Variants in CRISPLD2 observed in about 807,000 individuals in gnomAD.
The protein encoded by CRISPLD2 is cysteine-rich secretory protein LCCL domain-containing 2.
A neutral mutation model predicts 71.1 loss-of-function variants in CRISPLD2; 47 were observed. The ratio of observed to expected loss-of-function variants is 0.66; its 90% CI spans 0.52 to 0.84. CRISPLD2 has a LOEUF of 0.84. Ranked by LOEUF, CRISPLD2 falls within the 40% of genes least tolerant of loss-of-function variation. The pLI, the probability that CRISPLD2 is intolerant of heterozygous loss-of-function variation, is 0.00. For missense variants in CRISPLD2, 830 were observed against 651.1 expected (o/e 1.27, Z -2.99); for synonymous variants, 317 against 250.1 (o/e 1.27, Z -2.52).
chr16:84,906,148 G>A (rs1042896920), intron 14 of CRISPLD2, among the ~76,000 whole-genome samples: 8 of 152,022 alleles, frequency 5.3e-5, no homozygotes, highest in African/African-American at 1.5e-4. Flanking sequence ...GTGAACGAGC[G>A]ATAACAGCTC....
intron 2 of CRISPLD2, among the ~76,000 whole-genome samples, chr16:84,843,596 T>C (rs1916833934): frequency 6.6e-6 from 1 of 152,246 alleles, no homozygotes; most frequent in South Asian, 2.1e-4. Context: ...CAAGAAACCC[T>C]TTCTCATAGG....
At chr16:84,902,062 G>T (rs1314572477) in intron 14 of CRISPLD2, among the ~76,000 whole-genome samples, 1 of 150,602 alleles carries the variant, frequency 6.6e-6, no homozygotes, top group East Asian at 2.0e-4. Flanking sequence ...ACCTCTCAAA[G>T]TGCTGGGATG....
intron 2 of CRISPLD2, chr16:84,838,958 C>T (rs1465740165): frequency 1.4e-6 from 1 of 701,162 alleles, no homozygotes; most frequent in Non-Finnish European, 2.5e-6. Context: ...GCACAATCGT[C>T]ATGCCCTGAA....
chr16:84,874,644 T>C (rs1484491071), intron 11 of CRISPLD2, among the ~76,000 whole-genome samples: 2 of 152,218 alleles, frequency 1.3e-5, no homozygotes, highest in African/African-American at 2.4e-5. Context: ...GCAACTCTTA[T>C]CATTTGCCCT....
intron 6 of CRISPLD2, among the ~76,000 whole-genome samples, chr16:84,863,546 G>A (rs751665270): frequency 3.9e-5 from 6 of 152,354 alleles, no homozygotes; most frequent in Non-Finnish European, 7.3e-5. Context: ...AAGGTGGTTT[G>A]ACACCCAGCC....
intron 2 of CRISPLD2, chr16:84,839,768 T>C (rs917183410): frequency 6.6e-6 from 1 of 152,238 alleles, no homozygotes; most frequent in Non-Finnish European, 1.5e-5. Context: ...CAGCTATGAA[T>C]GGCTTTTTAA....
At chr16:84,866,638 G>A (rs1917545311) in intron 6 of CRISPLD2, among the ~76,000 whole-genome samples, 1 of 152,180 alleles carries the variant, frequency 6.6e-6, no homozygotes, top group South Asian at 2.1e-4. Flanking sequence ...CGTGGGGCCT[G>A]CTAACCTCTG....
chr16:84,869,587 C>T (rs2071447935), intron 8 of CRISPLD2, among the ~76,000 whole-genome samples: 1 of 152,206 alleles, frequency 6.6e-6, no homozygotes, highest in Non-Finnish European at 1.5e-5. Context: ...TCAGTGGGCT[C>T]ACATGTGGTA....
chr16:84,906,711 G>A lies in CRISPLD2; in HGVS notation c.*69G>A, dbSNP rs752340166. 3.0e-5 allele frequency: 47 copies of A among 1,547,232 alleles called. No individual in the cohort carries two copies. In the Admixed American group the frequency reaches 6.8e-4, roughly 23 times the overall value. On this transcript the variant is annotated 3_prime_UTR_variant, in exon 15 of 15. Transcript: ENST00000262424. ...GGGGTTTTGCTTTTATTTTTATTTTGTCATTGCGGGGTATATGGAGAGTCA... is the reference window on the plus strand; with the variant it reads ...GGGGTTTTGCTTTTATTTTTATTTTATCATTGCGGGGTATATGGAGAGTCA...
intron 1 of CRISPLD2, among the ~76,000 whole-genome samples, chr16:84,827,953 G>T (rs923458920): frequency 2.6e-5 from 4 of 152,000 alleles, no homozygotes; most frequent in South Asian, 4.1e-4. Context: ...GTTCATCTTC[G>T]CCATCCGTGT....
intron 12 of CRISPLD2, among the ~76,000 whole-genome samples, chr16:84,880,156 T>C (rs1246121249): frequency 2.6e-5 from 4 of 152,208 alleles, no homozygotes; most frequent in Admixed American, 2.6e-4. Flanking sequence ...CTCCATAATG[T>C]ACCCACAGTG....
chr16:84,874,050 A>G (rs1243742904), intron 11 of CRISPLD2, 87 bp downstream of exon 11: 1 of 1,197,790 alleles, frequency 8.3e-7, no homozygotes, highest in Non-Finnish European at 1.2e-6. Flanking sequence ...TCGCTGATTT[A>G]ATGTTTATCA....
intron 6 of CRISPLD2, among the ~76,000 whole-genome samples, chr16:84,857,857 C>G (rs1254017745): frequency 6.6e-6 from 1 of 152,200 alleles, no homozygotes; most frequent in Non-Finnish European, 1.5e-5. Flanking sequence ...GCTTTCAGGA[C>G]TTGCTTGAGC....
chr16:84,825,648 T>G (rs1274518935), intron 1 of CRISPLD2, among the ~76,000 whole-genome samples: 4 of 151,730 alleles, frequency 2.6e-5, no homozygotes, highest in African/African-American at 9.7e-5. Context: ...CCCAGCTACT[T>G]GGGAGGCTGA....
At position 84,865,665 on chromosome 16, in the gene CRISPLD2, T is replaced by G. The variant is rs1350427365; in HGVS notation, c.710-1232T>G. On this transcript the variant is annotated intron_variant, in intron 6 of 14. Transcript: ENST00000262424. The stretch of plus-strand genomic sequence containing the variant: ...AAAGGTATTAAGTGTCCCCAGCAGA[T>G]ATGCTCGTGAATTTGTCTTTGATCA... 2.0e-5 allele frequency among the ~76,000 whole-genome samples: 3 copies of G among 152,130 alleles called. No individual in the cohort carries two copies. The East Asian group carries it at 5.8e-4, about 29-fold the overall frequency.
chr16:84,825,052 C>T (rs1026157826), intron 1 of CRISPLD2, among the ~76,000 whole-genome samples: 6 of 152,054 alleles, frequency 3.9e-5, no homozygotes, highest in African/African-American at 4.8e-5. Context: ...TGCAGTGAGC[C>T]GAGATCACGC....
chr16:84,880,494 C>G lies in CRISPLD2; in HGVS notation c.1230-15C>G. 6.2e-7 allele frequency: 1 copy of G among 1,608,302 alleles called. No homozygotes were observed. The highest frequency in any genetic ancestry group is 2.2e-5 in the East Asian group (1 of 44,850). On this transcript the variant is annotated splice_polypyrimidine_tract_variant and intron_variant, in intron 12 of 14. Coordinates refer to ENST00000262424, the MANE Select transcript of CRISPLD2 (RefSeq NM_031476.4). ...TGTGCTCAGACCCATCACATAAATG[C>G]TTCCTGTTTTTCAGAATCCATTGTC...
At position 84,906,787 on chromosome 16, in the gene CRISPLD2, G is replaced by T. The variant is rs755223563; in HGVS notation, c.*145G>T. 1.5e-5 allele frequency: 14 copies of T among 925,580 alleles called. No individual in the cohort carries two copies. Among genetic ancestry groups the T allele is most frequent in the Non-Finnish European group, 2.3e-5 (13 of 575,966 alleles). The allele number at this position is 925,580 out of a possible 1,614,324, so 57.3% of individuals were successfully genotyped here. A position where few individuals can be genotyped will look rare whatever the true frequency, so the allele number is the denominator to read the frequency against. On this transcript the variant is annotated 3_prime_UTR_variant, in exon 15 of 15. Transcript: ENST00000262424. ...GTGTCCATCACTTTGTGGCCTGTGG[G>T]TGAGGTGACATCTCATCCCCTCACT... is the stretch of plus-strand genomic sequence containing the variant.
intron 8 of CRISPLD2, among the ~76,000 whole-genome samples, chr16:84,871,862 TC>T (rs894886472): frequency 5.3e-5 from 7 of 132,802 alleles, no homozygotes; most frequent in African/African-American, 2.0e-4. Context: ...TTGTTTTTTT[TC>T]AAATGAGAAA....
Sources: gnomAD v4.1 joint callset for allele counts (sites outside exome capture counted in the v4.1 genomes callset) on GRCh38, gnomAD v4.1.1 for gene constraint, MANE v1.5 for transcripts, NCBI Gene and HGNC (gene_info 2026-07-23, HGNC 2026-07-21) for gene names.